PDE3A: variants seen among roughly 807,000 people sequenced by gnomAD.
The protein encoded by PDE3A is phosphodiesterase 3A, also known as cGMP-inhibited 3',5'-cyclic phosphodiesterase 3A.
In PDE3A, 43 loss-of-function variants were observed where a neutral mutation model predicts 98.3. The ratio of observed to expected loss-of-function variants is 0.44; its 90% CI spans 0.34 to 0.56. The LOEUF (loss-of-function observed/expected upper bound fraction) is 0.56, where lower values mean the gene tolerates loss of function less well. Ranked by LOEUF, PDE3A falls within the 20% of genes least tolerant of loss-of-function variation. The pLI, the probability that PDE3A is intolerant of heterozygous loss-of-function variation, is 0.01. For synonymous variants in PDE3A, 663 were observed against 567.9 expected (o/e 1.17, Z -2.38); for missense variants, 1,427 against 1,440.7 (o/e 0.99, Z 0.15).
At position 20,645,497 on chromosome 12, in the gene PDE3A, T is replaced by TACC. The variant is rs58326965; in HGVS notation, c.2252-992_2252-991insCCA. On this transcript the variant is annotated intron_variant, in intron 10 of 15. Transcript: ENST00000359062. ...TATGAAGAAATGTAATCTCTTATAC[T>TACC]AGAGAAGGAAACAGTATCATGGTTG... Among the ~76,000 whole-genome samples, 868 of 152,058 alleles carry TACC rather than the reference T, an allele frequency of 5.7e-3. 10 individuals carry two copies. The highest frequency in any genetic ancestry group is 0.02 in the African/African-American group (834 of 41,454).
intron 2 of PDE3A, among the ~76,000 whole-genome samples, chr12:20,573,507 G>T (rs1592070228): frequency 6.6e-6 from 1 of 151,796 alleles, no homozygotes; most frequent in Non-Finnish European, 1.5e-5. Flanking sequence ...AAAGAGGTAA[G>T]ACTGTGTTCA....
chr12:20,549,541 G>T (rs1942143010), intron 1 of PDE3A, among the ~76,000 whole-genome samples: 1 of 151,638 alleles, frequency 6.6e-6, no homozygotes, highest in African/African-American at 2.4e-5. Flanking sequence ...TACTTCCTTT[G>T]GTGCTCTTAT....
At chr12:20,676,763 TGCTGGGATTACAG>T (rs1280353486) in intron 15 of PDE3A, among the ~76,000 whole-genome samples, 1 of 152,178 alleles carries the variant, frequency 6.6e-6, no homozygotes, top group Non-Finnish European at 1.5e-5. Flanking sequence ...CCTCCGAAAG[TGCTGGGATTACAG>T]GCGTGAGCCA....
chr12:20,434,087 C>T (rs572155474), intron 1 of PDE3A, among the ~76,000 whole-genome samples: 8 of 152,112 alleles, frequency 5.3e-5, no homozygotes, highest in African/African-American at 1.2e-4. Context: ...AAATAATGTG[C>T]AACATTGGTA....
Position 20,670,562 on chromosome 12 carries a change from C to T in PDE3A, c.3185-9468C>T, listed in dbSNP as rs543450961. Reference sequence around the variant, plus strand: ...AAGAATCTCACTCAAAACTGCTCAACTGCATGGAAACTGAACAACCTGCTC... The same window carrying T: ...AAGAATCTCACTCAAAACTGCTCAATTGCATGGAAACTGAACAACCTGCTC... On this transcript the variant is annotated intron_variant, in intron 15 of 15. Transcript: ENST00000359062. Among the ~76,000 whole-genome samples, 16 of 152,200 alleles carry T rather than the reference C, an allele frequency of 1.1e-4. No homozygotes were observed. The East Asian group carries it at 1.7e-3, about 17-fold the overall frequency.
rs1352277098 is a variant in PDE3A at position 20,385,489 on chromosome 12, C to T, written c.960+15245C>T. On this transcript the variant is annotated intron_variant, in intron 1 of 15. Transcript: ENST00000359062. ...ATGCTGCTACAAAGACACATGCACA[C>T]GTATGTTTATTGCGGCACTATTCAC... 5.3e-5 allele frequency among the ~76,000 whole-genome samples: 8 copies of T among 151,818 alleles called. 1 individual carries two copies. Among genetic ancestry groups the T allele is most frequent in the African/African-American group, 9.6e-5 (4 of 41,466 alleles).
intron 2 of PDE3A, among the ~76,000 whole-genome samples, chr12:20,604,518 G>A (rs1943667328): frequency 6.6e-6 from 1 of 151,914 alleles, no homozygotes; most frequent in South Asian, 2.1e-4. Flanking sequence ...CATAAACCAG[G>A]CTTAGCTTTC....
chr12:20,672,313 C>G (rs367897050), intron 15 of PDE3A, among the ~76,000 whole-genome samples: 12,528 of 140,622 alleles, frequency 0.089, 724 homozygotes, highest in Middle Eastern at 0.23. Context: ...CATCAAGCTA[C>G]CAATGCCTTT....
chr12:20,622,798 C>T (rs1471675520), intron 5 of PDE3A, among the ~76,000 whole-genome samples: 2 of 152,038 alleles, frequency 1.3e-5, no homozygotes, highest in African/African-American at 4.8e-5. Flanking sequence ...GACCCCTTGG[C>T]TCCCTACAAA....
intron 1 of PDE3A, among the ~76,000 whole-genome samples, chr12:20,509,363 C>CT (rs1946175537): frequency 6.9e-6 from 1 of 144,732 alleles, no homozygotes; most frequent in South Asian, 2.3e-4. Context: ...GAGCACCACC[C>CT]ATTTTTCCCC....
chr12:20,458,797 T>G (rs1269417884), intron 1 of PDE3A, among the ~76,000 whole-genome samples: 1 of 152,138 alleles, frequency 6.6e-6, no homozygotes, highest in African/African-American at 2.4e-5. Context: ...AAGACAGACA[T>G]TAGGATACTG....
intron 1 of PDE3A, among the ~76,000 whole-genome samples, chr12:20,428,278 T>TTAG (rs1299148007): frequency 6.6e-6 from 1 of 152,044 alleles, no homozygotes; most frequent in East Asian, 1.9e-4. Context: ...AATATTATTA[T>TTAG]TAGTAGTAGT....
chr12:20,549,843 C>A (rs982366824), intron 1 of PDE3A, among the ~76,000 whole-genome samples: 1 of 151,854 alleles, frequency 6.6e-6, no homozygotes, highest in African/African-American at 2.4e-5. Context: ...ACACACTTGG[C>A]AAATTTTACT....
At chr12:20,638,431 G>A (rs1944569600) in intron 9 of PDE3A, among the ~76,000 whole-genome samples, 1 of 152,106 alleles carries the variant, frequency 6.6e-6, no homozygotes, top group Non-Finnish European at 1.5e-5. Context: ...TCACCATGTT[G>A]AGGAATATAA....
chr12:20,404,826 G>T (rs1228867104), intron 1 of PDE3A, among the ~76,000 whole-genome samples: 41 of 95,080 alleles, frequency 4.3e-4, no homozygotes, highest in South Asian at 2.0e-3. Flanking sequence ...AGGTTACAGA[G>T]TTTTTTTTTT....
intron 1 of PDE3A, chr12:20,371,299 C>T: frequency 1.0e-6 from 1 of 962,020 alleles, no homozygotes; most frequent in Non-Finnish European, 1.2e-6. Flanking sequence ...AAGGGTATGC[C>T]TCCCTAGTTG....
intron 1 of PDE3A, among the ~76,000 whole-genome samples, chr12:20,460,147 T>A (rs1175503308): frequency 2.0e-5 from 3 of 152,072 alleles, no homozygotes; most frequent in Admixed American, 1.3e-4. Context: ...CACCTTCAAC[T>A]CTCTAATCAA....
chr12:20,586,501 C>G (rs1266328363), intron 2 of PDE3A, among the ~76,000 whole-genome samples: 2 of 152,102 alleles, frequency 1.3e-5, no homozygotes, highest in Admixed American at 6.5e-5. Flanking sequence ...GTGACATAGT[C>G]ATATATGTAC....
intron 1 of PDE3A, among the ~76,000 whole-genome samples, chr12:20,442,872 A>G (rs1482892248): frequency 6.6e-6 from 1 of 152,180 alleles, no homozygotes; most frequent in African/African-American, 2.4e-5. Flanking sequence ...TTAAAACTAT[A>G]TCGTTCATCC....
Sources: gnomAD v4.1 joint callset for allele counts (sites outside exome capture counted in the v4.1 genomes callset) on GRCh38, gnomAD v4.1.1 for gene constraint, MANE v1.5 for transcripts, NCBI Gene and HGNC (gene_info 2026-07-23, HGNC 2026-07-21) for gene names.